Variants in RABGAP1L observed in about 807,000 individuals in gnomAD.
The protein encoded by RABGAP1L is RAB GTPase activating protein 1 like, also known as rab GTPase-activating protein 1-like.
RABGAP1L carries 63 observed loss-of-function variants against 137.7 expected under a neutral mutation model. The observed-to-expected ratio is 0.46, with a 90% CI of 0.37 to 0.56. The LOEUF (loss-of-function observed/expected upper bound fraction) is 0.56, where lower values mean the gene tolerates loss of function less well. Among genes scored for constraint, RABGAP1L ranks in the 20% least tolerant of loss-of-function variants. The probability of loss-of-function intolerance (pLI) is 0.00; values close to 1 mark genes in which losing one functional copy is unlikely to be tolerated. For missense variants in RABGAP1L, 1,095 were observed against 1,244.0 expected (o/e 0.88, Z 1.80); for synonymous variants, 431 against 433.7 (o/e 0.99, Z 0.08).
At chr1:174,195,783 T>TC (rs1667618523) in intron 1 of RABGAP1L, among the ~76,000 whole-genome samples, 3 of 125,688 alleles carry the variant, frequency 2.4e-5, no homozygotes, top group Non-Finnish European at 3.4e-5. Flanking sequence ...TTCCTTTCTT[T>TC]CTTTTCTTTC....
Position 174,440,150 on chromosome 1 carries a change from G to A in RABGAP1L, c.1710+46005G>A, listed in dbSNP as rs531949079. Among the ~76,000 whole-genome samples, 15 of 152,294 alleles carry A rather than the reference G, an allele frequency of 9.8e-5. No individual in the cohort carries two copies. In the South Asian group the frequency reaches 1.2e-3, roughly 13 times the overall value. ...GGTGAGGGATATGAGTTGGTGGGGA[G>A]GTAGAGGTAGTTTAGCTAATCCTAA... is the stretch of plus-strand genomic sequence containing the variant. On this transcript the variant is annotated intron_variant, in intron 13 of 25. Coordinates refer to ENST00000681986, the MANE Select transcript of RABGAP1L (RefSeq NM_001366446.1).
chr1:174,493,610 A>G (rs1660465529), intron 13 of RABGAP1L, among the ~76,000 whole-genome samples: 2 of 151,802 alleles, frequency 1.3e-5, no homozygotes, highest in African/African-American at 4.8e-5. Flanking sequence ...GCTTGAGTCC[A>G]GGAGTTCAAG....
chr1:174,571,245 T>C (rs1289600700), intron 13 of RABGAP1L, among the ~76,000 whole-genome samples: 1 of 151,862 alleles, frequency 6.6e-6, no homozygotes, highest in Non-Finnish European at 1.5e-5. Context: ...AGAGAGAGAA[T>C]AGAAGGATAG....
rs1018727965 is a variant in RABGAP1L at position 174,338,356 on chromosome 1, A to C, written c.1466-32623A>C. Among the ~76,000 whole-genome samples, 104 of 152,296 alleles carry C rather than the reference A, an allele frequency of 6.8e-4. 1 individual carries two copies. The highest frequency in any genetic ancestry group is 2.3e-3 in the African/African-American group (95 of 41,578). ...AGTGGCAATTGACAGCATTCAACGA[A>C]AGTATCTTAAATTTTCAGGTGTCTG... On this transcript the variant is annotated intron_variant, in intron 11 of 25. Transcript: ENST00000681986.
intron 13 of RABGAP1L, among the ~76,000 whole-genome samples, chr1:174,616,936 AG>A (rs1671942836): frequency 6.6e-6 from 1 of 152,230 alleles, no homozygotes; most frequent in South Asian, 2.1e-4. Flanking sequence ...ACTTTAATAA[AG>A]ATCCAGGAGA....
intron 17 of RABGAP1L, among the ~76,000 whole-genome samples, chr1:174,722,847 T>C (rs1681681792): frequency 6.6e-6 from 1 of 152,168 alleles, no homozygotes; most frequent in African/African-American, 2.4e-5. Context: ...TCTTCTTTCT[T>C]CCAAAATATA....
intron 10 of RABGAP1L, among the ~76,000 whole-genome samples, chr1:174,292,289 G>A (rs1025896463): frequency 7.1e-6 from 1 of 140,378 alleles, no homozygotes; most frequent in Non-Finnish European, 1.5e-5. Flanking sequence ...GCCTCCCAAA[G>A]TGCTAGGATT....
intron 13 of RABGAP1L, among the ~76,000 whole-genome samples, chr1:174,536,014 T>C (rs1057285689): frequency 3.3e-5 from 5 of 152,204 alleles, no homozygotes; most frequent in South Asian, 2.1e-4. Flanking sequence ...CATAATGTTA[T>C]TGGAATTCAT....
chr1:174,837,003 T>C (rs946594906), intron 19 of RABGAP1L, among the ~76,000 whole-genome samples: 6 of 152,136 alleles, frequency 3.9e-5, no homozygotes, highest in Admixed American at 6.5e-5. Flanking sequence ...GGTCAGGAGT[T>C]CAAGACCAGC....
At chr1:174,836,243 G>A (rs543044994) in intron 19 of RABGAP1L, among the ~76,000 whole-genome samples, 2 of 152,098 alleles carry the variant, frequency 1.3e-5, no homozygotes, top group East Asian at 3.9e-4. Flanking sequence ...GATGTTAGGA[G>A]GTTTGTACAG....
chr1:174,754,380 T>C (rs1684560111), intron 18 of RABGAP1L, among the ~76,000 whole-genome samples: 1 of 152,248 alleles, frequency 6.6e-6, no homozygotes, highest in Non-Finnish European at 1.5e-5. Flanking sequence ...TGACAGTCAC[T>C]GACTTTCAGC....
Position 174,484,492 on chromosome 1 carries a change from T to C in RABGAP1L, c.1710+90347T>C, listed in dbSNP as rs554778437. Among the ~76,000 whole-genome samples, 197 of 152,288 alleles carry C rather than the reference T, an allele frequency of 1.3e-3. 1 individual carries two copies. The highest frequency in any genetic ancestry group is 4.4e-3 in the African/African-American group (183 of 41,562). ...AAATTTTTGCCCAGGCTAATGTCCT[T>C]AAAAGTTTCCCCAATATTTTCTTGT... is the stretch of plus-strand genomic sequence containing the variant. On this transcript the variant is annotated intron_variant, in intron 13 of 25. Coordinates refer to ENST00000681986, the MANE Select transcript of RABGAP1L (RefSeq NM_001366446.1).
chr1:174,612,831 A>G (rs144985085), intron 13 of RABGAP1L, among the ~76,000 whole-genome samples: 3,439 of 152,210 alleles, frequency 0.023, 62 homozygotes, highest in Middle Eastern at 0.085. Flanking sequence ...TAGATTTTCT[A>G]GTTTATTTGC....
At chr1:174,664,715 C>T (rs1572728536) in intron 14 of RABGAP1L, among the ~76,000 whole-genome samples, 4 of 120,200 alleles carry the variant, frequency 3.3e-5, no homozygotes, top group Admixed American at 8.2e-5. Flanking sequence ...CTCTCTCTTT[C>T]TTTCTTTCTT....
At position 174,434,101 on chromosome 1, in the gene RABGAP1L, GTACACA is replaced by G. The variant is rs1282233361; in HGVS notation, c.1710+39963_1710+39968del. The stretch of plus-strand genomic sequence containing the variant: ...CATGTGTGCACATGAGCGCATGCGT[GTACACA>G]TACACACACACACACACACACACAC... On this transcript the variant is annotated intron_variant, in intron 13 of 25. Transcript: ENST00000681986. Among the ~76,000 whole-genome samples the G allele has an allele frequency of 1.9e-3, 210 of 111,480 alleles. 1 individual carries two copies. The highest frequency in any genetic ancestry group is 8.4e-3 in the African/African-American group (197 of 23,432). 73.1% of individuals were successfully genotyped at this position (111,480 alleles called of 152,430 possible). A position where few individuals can be genotyped will look rare whatever the true frequency, so the allele number is the denominator to read the frequency against.
chr1:174,610,177 G>GTATA (rs1344503474), intron 13 of RABGAP1L, among the ~76,000 whole-genome samples: 1 of 150,120 alleles, frequency 6.7e-6, no homozygotes, highest in Admixed American at 6.6e-5. Flanking sequence ...TTAGCATTAG[G>GTATA]TATATCTCCT....
intron 11 of RABGAP1L, among the ~76,000 whole-genome samples, chr1:174,320,779 G>A (rs1221045884): frequency 6.6e-6 from 1 of 152,082 alleles, no homozygotes; most frequent in Admixed American, 6.6e-5. Context: ...TAAGCTGAGG[G>A]TGTATGTCGC....
intron 7 of RABGAP1L, among the ~76,000 whole-genome samples, chr1:174,270,545 A>T (rs540443344): frequency 6.6e-6 from 1 of 152,100 alleles, no homozygotes; most frequent in African/African-American, 2.4e-5. Context: ...CTTTATCTCT[A>T]CATAATGCAT....
At chr1:174,633,681 CAG>C (rs1673651084) in intron 13 of RABGAP1L, among the ~76,000 whole-genome samples, 1 of 123,612 alleles carries the variant, frequency 8.1e-6, no homozygotes, top group South Asian at 2.5e-4. Context: ...GGTACCAAAA[CAG>C]AGATATAGAT....
Sources: gnomAD v4.1 joint callset for allele counts (sites outside exome capture counted in the v4.1 genomes callset) on GRCh38, gnomAD v4.1.1 for gene constraint, MANE v1.5 for transcripts, NCBI Gene and HGNC (gene_info 2026-07-23, HGNC 2026-07-21) for gene names.